Variants in GPC3 observed in about 807,000 individuals in gnomAD.
The protein encoded by GPC3 is glypican-3.
GPC3 carries 3 observed loss-of-function variants against 34.4 expected under a neutral mutation model. The observed-to-expected ratio is 0.09, with a 90% CI of 0.04 to 0.23. The LOEUF (loss-of-function observed/expected upper bound fraction) is 0.23. GPC3 is among the 10% of genes least tolerant of loss of function. The pLI, the probability that GPC3 is intolerant of heterozygous loss-of-function variation, is 1.00. For synonymous variants in GPC3, 177 were observed against 174.0 expected (o/e 1.02, Z -0.13); for missense variants, 351 against 445.6 (o/e 0.79, Z 1.91).
At chrX:133,933,057 C>G (rs1429085661) in intron 2 of GPC3, among the ~76,000 whole-genome samples, 1 of 111,312 alleles carries the variant, frequency 9.0e-6, no homozygotes, top group Non-Finnish European at 1.9e-5. Context: ...AGAATATGGA[C>G]TAGACATGTA....
chrX:133,571,509 C>T (rs1156441848), intron 7 of GPC3, among the ~76,000 whole-genome samples: 1 of 111,415 alleles, frequency 9.0e-6, no homozygotes, highest in Non-Finnish European at 1.9e-5. Context: ...ACTACAGGCA[C>T]CCACCACCAC....
At chrX:133,585,449 G>A (rs1341075412) in intron 7 of GPC3, among the ~76,000 whole-genome samples, 3 of 110,557 alleles carry the variant, frequency 2.7e-5, no homozygotes. Flanking sequence ...GCACGCTCAC[G>A]ATTCCTTGTT....
chrX:133,818,207 C>T (rs2075701762), intron 2 of GPC3, among the ~76,000 whole-genome samples: 1 of 111,513 alleles, frequency 9.0e-6, no homozygotes, highest in East Asian at 2.8e-4. Flanking sequence ...AAGATCAATA[C>T]CAATTTTTTT....
intron 3 of GPC3, among the ~76,000 whole-genome samples, chrX:133,712,964 A>T (rs2071285069): frequency 8.9e-6 from 1 of 112,209 alleles, no homozygotes. Flanking sequence ...TCATAGAAGA[A>T]ATCATGCCAC....
At chrX:133,877,786 T>C (rs774395082) in intron 2 of GPC3, among the ~76,000 whole-genome samples, 43 of 112,013 alleles carry the variant, frequency 3.8e-4, no homozygotes, top group South Asian at 1.5e-3. Context: ...ATGTTCACAA[T>C]AAATAGTGTT....
intron 2 of GPC3, among the ~76,000 whole-genome samples, chrX:133,824,683 C>T (rs967992925): frequency 5.4e-5 from 6 of 110,529 alleles, no homozygotes; most frequent in Non-Finnish European, 9.5e-5. Context: ...ATATCTCTAG[C>T]GAAATATTAA....
At chrX:133,978,423 T>C (rs776232569) in intron 1 of GPC3, among the ~76,000 whole-genome samples, 2 of 112,421 alleles carry the variant, frequency 1.8e-5, no homozygotes, top group Admixed American at 1.9e-4. Flanking sequence ...TACATACATG[T>C]ATAATATATC....
chrX:133,895,771 C>A (rs755086679), intron 2 of GPC3, among the ~76,000 whole-genome samples: 2 of 110,968 alleles, frequency 1.8e-5, no homozygotes, highest in Non-Finnish European at 3.8e-5. Context: ...ACACACACAT[C>A]TCAAAAGCAT....
intron 3 of GPC3, among the ~76,000 whole-genome samples, chrX:133,733,970 C>T (rs749187897): frequency 1.4e-4 from 16 of 111,879 alleles, no homozygotes; most frequent in South Asian, 3.7e-4. Context: ...ATTTAAAGAA[C>T]AGTTAATACC....
chrX:133,763,104 C>A, intron 2 of GPC3: 1 of 666,339 alleles, frequency 1.5e-6, no homozygotes, highest in Non-Finnish European at 2.4e-6. Context: ...CTGGCCGCTT[C>A]ACTCCTGGAA....
At chrX:133,634,755 G>T (rs1250460077) in intron 6 of GPC3, among the ~76,000 whole-genome samples, 1 of 112,035 alleles carries the variant, frequency 8.9e-6, no homozygotes, top group Non-Finnish European at 1.9e-5. Flanking sequence ...TTGGGTTGGG[G>T]TGATGGTTGC....
intron 2 of GPC3, among the ~76,000 whole-genome samples, chrX:133,834,172 T>C (rs764887189): frequency 1.8e-5 from 2 of 112,358 alleles, no homozygotes; most frequent in South Asian, 7.4e-4. Flanking sequence ...AGGAGTAATT[T>C]TTGAAATGTA....
chrX:133,632,110 A>AAATT (rs1272169525), intron 6 of GPC3, among the ~76,000 whole-genome samples: 3 of 108,264 alleles, frequency 2.8e-5, no homozygotes, highest in African/African-American at 1.0e-4. Flanking sequence ...TTTTTAAAAA[A>AAATT]TTTTTTTGAG....
intron 2 of GPC3, among the ~76,000 whole-genome samples, chrX:133,866,914 AC>A (rs1160101610): frequency 2.7e-5 from 3 of 110,990 alleles, no homozygotes; most frequent in African/African-American, 1.0e-4. Flanking sequence ...AAGATCATTT[AC>A]AGCCAAGTGC....
At chrX:133,959,373 T>C (rs1404058209) in intron 1 of GPC3, among the ~76,000 whole-genome samples, 2 of 112,535 alleles carry the variant, frequency 1.8e-5, no homozygotes, top group African/African-American at 6.5e-5. Context: ...TCCCTGTCCA[T>C]ACTTGGAAGA....
intron 2 of GPC3, among the ~76,000 whole-genome samples, chrX:133,769,456 T>C (rs903339404): frequency 3.6e-5 from 4 of 112,405 alleles, no homozygotes; most frequent in Non-Finnish European, 7.5e-5. Flanking sequence ...GATATGTTTA[T>C]GGCACTGATT....
chrX:133,897,800 AAAG>A (rs753234271), intron 2 of GPC3, among the ~76,000 whole-genome samples: 102 of 111,789 alleles, frequency 9.1e-4, no homozygotes, highest in South Asian at 3.8e-3. Flanking sequence ...TGCTGTGGAA[AAAG>A]AAGGACAGAG....
chrX:133,984,316 C>T (rs1403538896), intron 1 of GPC3, among the ~76,000 whole-genome samples: 1 of 113,411 alleles, frequency 8.8e-6, no homozygotes, highest in Non-Finnish European at 1.9e-5. Context: ...CTCTTCTTGT[C>T]CGCATTGTCA....
intron 2 of GPC3, among the ~76,000 whole-genome samples, chrX:133,889,416 G>C (rs1382569923): frequency 8.9e-6 from 1 of 111,858 alleles, no homozygotes; most frequent in African/African-American, 3.2e-5. Flanking sequence ...GAAATGCACA[G>C]AATCACTCCC....
Sources: allele counts gnomAD v4.1 joint callset (sites outside exome capture counted in the v4.1 genomes callset), GRCh38; gene constraint gnomAD v4.1.1; transcripts MANE v1.5; gene names NCBI Gene and HGNC (gene_info 2026-07-23, HGNC 2026-07-21).